TRIM65: variants seen among roughly 807,000 people sequenced by gnomAD.
TRIM65 encodes the protein E3 ubiquitin-protein ligase TRIM65.
TRIM65 carries 46 observed loss-of-function variants against 36.1 expected under a neutral mutation model. That is an observed-to-expected ratio of 1.27 (90% CI 1.01 to 1.63). The LOEUF is 1.63. Among genes scored for constraint, TRIM65 ranks in the 40% most tolerant of loss-of-function variants. The pLI, the probability that TRIM65 is intolerant of heterozygous loss-of-function variation, is 0.00. For missense variants in TRIM65, 708 were observed against 696.6 expected (o/e 1.02, Z -0.18); for synonymous variants, 346 against 313.6 (o/e 1.10, Z -1.09).
At chr17:75,894,049 G>A (rs1336598658) in intron 1 of TRIM65, among the ~76,000 whole-genome samples, 3 of 152,178 alleles carry the variant, frequency 2.0e-5, no homozygotes, top group Non-Finnish European at 4.4e-5. Flanking sequence ...AGCCGCTCCT[G>A]TGAACTCACC....
chr17:75,880,893 A>G (rs1471161508), intron 4 of TRIM65, among the ~76,000 whole-genome samples: 1 of 150,394 alleles, frequency 6.6e-6, no homozygotes, highest in East Asian at 1.9e-4. Flanking sequence ...AGACCAGACT[A>G]GAAATGTTCA....
chr17:75,886,211 G>A (rs2065205554), downstream of TRIM65, among the ~76,000 whole-genome samples: 2 of 152,158 alleles, frequency 1.3e-5, no homozygotes, highest in African/African-American at 4.8e-5. Context: ...CCAGGCATGT[G>A]AAACTGTGAG....
At chr17:75,892,647 T>C in intron 2 of TRIM65, 108 bp downstream of exon 2, 1 of 1,265,980 alleles carries the variant, frequency 7.9e-7, no homozygotes, top group Non-Finnish European at 1.1e-6. Context: ...TGTGCCCAGC[T>C]CCCTGCTCAG....
Position 75,896,749 on chromosome 17 carries a change from G to A in TRIM65, c.189C>T (p.Asn63=), listed in dbSNP as rs1198124890. 17 of 1,481,888 alleles carry A rather than the reference G, an allele frequency of 1.1e-5. No individual in the cohort carries two copies. The highest frequency in any genetic ancestry group is 1.5e-5 in the Non-Finnish European group (17 of 1,121,574). 91.8% of individuals were successfully genotyped at this position (1,481,888 alleles called of 1,614,324 possible). A position where few individuals can be genotyped will look rare whatever the true frequency, so the allele number is the denominator to read the frequency against. The part of the protein sequence containing the change: ...PFPDGAELRR[N]VALSGVLEVV... ...CCTCCAGCACGCCGCTGAGGGCCACGTTGCGGCGCAGCTCGGCGCCGTCGG... is the reference window on the plus strand; with the variant it reads ...CCTCCAGCACGCCGCTGAGGGCCACATTGCGGCGCAGCTCGGCGCCGTCGG... The change falls in exon 1 of 6, where the codon AAC becomes AAT. Residue 63 remains asparagine (N), a synonymous_variant. Coordinates refer to ENST00000269383, the MANE Select transcript of TRIM65 (RefSeq NM_173547.4).
chr17:75,879,895 A>C (rs567490723), downstream of TRIM65, among the ~76,000 whole-genome samples: 1 of 150,714 alleles, frequency 6.6e-6, no homozygotes, highest in East Asian at 1.9e-4. Context: ...CTGGGATTAC[A>C]GGCGCCCGCC....
intron 1 of TRIM65, among the ~76,000 whole-genome samples, chr17:75,895,447 G>T (rs947770625): frequency 2.0e-5 from 3 of 151,982 alleles, no homozygotes; most frequent in Admixed American, 1.3e-4. Flanking sequence ...ACTCCCCCAG[G>T]ACCCTGCCCG....
At chr17:75,888,823 A>G (rs982224509), downstream of TRIM65, 7 of 152,048 alleles carry the variant, frequency 4.6e-5, no homozygotes, top group Admixed American at 1.3e-4. Context: ...TTGAACAAAC[A>G]GCCACAGGCT....
chr17:75,887,941 G>T (rs1404051498), downstream of TRIM65, among the ~76,000 whole-genome samples: 4 of 152,066 alleles, frequency 2.6e-5, no homozygotes, highest in Non-Finnish European at 4.4e-5. Flanking sequence ...GGATCACAAG[G>T]TCAGGAGATC....
chr17:75,885,690 C>T (rs2065201940), downstream of TRIM65, among the ~76,000 whole-genome samples: 1 of 152,248 alleles, frequency 6.6e-6, no homozygotes, highest in African/African-American at 2.4e-5. Flanking sequence ...CCTCTGGGTG[C>T]TTCCTGAGGA....
rs1331687753 is a variant in TRIM65 at position 75,891,817 on chromosome 17, C to T, written c.981G>A (p.Trp327Ter). 47 of 1,611,070 alleles carry T rather than the reference C, an allele frequency of 2.9e-5. No homozygotes were observed. The highest frequency in any genetic ancestry group is 3.8e-5 in the Non-Finnish European group (45 of 1,178,560). Residue 327 changes from tryptophan (W) to a stop codon, truncating the protein, a stop_gained, in exon 5 of 6, where the codon TGG (tryptophan) becomes TGA (stop). Coordinates refer to ENST00000269383, the MANE Select transcript of TRIM65 (RefSeq NM_173547.4). LOFTEE classifies it low-confidence loss of function (END_TRUNC). ...STVCPLRRKL[W>*]QNYRNLTFDP... ...ATACACGAACGGCCTCCTTACTCTGCCAGAGTTTCCTCCTCAGTGGACAAA... is the reference window on the plus strand; with the variant it reads ...ATACACGAACGGCCTCCTTACTCTGTCAGAGTTTCCTCCTCAGTGGACAAA...
In TRIM65 at chr17:75,891,060, G is replaced by A. The variant is rs1567843289; in HGVS notation, c.1273C>T (p.Leu425Phe). 3 of 1,612,470 alleles carry A rather than the reference G, an allele frequency of 1.9e-6. No individual in the cohort carries two copies. The highest frequency in any genetic ancestry group is 2.5e-6 in the Non-Finnish European group (3 of 1,179,810). The change falls in exon 6 of 6, where the codon CTC becomes TTC. Residue 425 changes from leucine (L) to phenylalanine (F), a missense_variant. Coordinates refer to ENST00000269383, the MANE Select transcript of TRIM65 (RefSeq NM_173547.4). ...TGGAGGCTGTCCTCCTGGACGCAGA[G>A]CCCCCAGGAGCAGGGTCCCCGGCCA... ...NIGRGPCSWG[L>F]CVQEDSLQAW...
In TRIM65 at chr17:75,891,795, C is replaced by A; in HGVS notation, c.985+18G>T. ...ACACGCACACACAGGGGCACACATACACGAACGGCCTCCTTACTCTGCCAG... is the reference window on the plus strand; with the variant it reads ...ACACGCACACACAGGGGCACACATAAACGAACGGCCTCCTTACTCTGCCAG... On this transcript the variant is annotated intron_variant, in intron 5 of 5. Coordinates refer to ENST00000269383, the MANE Select transcript of TRIM65 (RefSeq NM_173547.4). The A allele has an allele frequency of 6.2e-7, 1 of 1,603,226 alleles. No homozygotes were observed.
downstream of TRIM65, among the ~76,000 whole-genome samples, chr17:75,888,457 T>A (rs963943348): frequency 6.6e-6 from 1 of 151,876 alleles, no homozygotes; most frequent in Non-Finnish European, 1.5e-5. Flanking sequence ...GAATTTCACA[T>A]AATAAATGAC....
chr17:75,883,519 T>C (rs1425182449), intron 4 of TRIM65, among the ~76,000 whole-genome samples: 1 of 140,752 alleles, frequency 7.1e-6, no homozygotes, highest in Non-Finnish European at 1.5e-5. Flanking sequence ...TCACTGTCTC[T>C]GAACAAGTTT....
intron 1 of TRIM65, among the ~76,000 whole-genome samples, chr17:75,893,746 C>T (rs942613144): frequency 6.6e-6 from 1 of 152,120 alleles, no homozygotes; most frequent in African/African-American, 2.4e-5. Flanking sequence ...ACACAGGAGG[C>T]CGGAGGGCAG....
At chr17:75,895,198 T>C (rs2065328531) in intron 1 of TRIM65, among the ~76,000 whole-genome samples, 1 of 152,114 alleles carries the variant, frequency 6.6e-6, no homozygotes, top group Non-Finnish European at 1.5e-5. Flanking sequence ...TGGCCTGCTT[T>C]CGCCTCCACA....
At chr17:75,882,499 G>A (rs951206657) in intron 4 of TRIM65, among the ~76,000 whole-genome samples, 6 of 150,648 alleles carry the variant, frequency 4.0e-5, no homozygotes, top group Admixed American at 2.0e-4. Context: ...GTGAGCCACC[G>A]CGCCCAGCCT....
At chr17:75,881,235 C>CAAAAAAAAAAAAAAAAAA (rs58718762) in intron 4 of TRIM65, among the ~76,000 whole-genome samples, 7 of 110,328 alleles carry the variant, frequency 6.3e-5, no homozygotes, top group Non-Finnish European at 9.4e-5. Context: ...GACTCCATCT[C>CAAAAAAAAAAAAAAAAAA]AAAAAAAAAA....
At chr17:75,893,589 G>A (rs1357246555) in intron 1 of TRIM65, among the ~76,000 whole-genome samples, 3 of 152,064 alleles carry the variant, frequency 2.0e-5, no homozygotes, top group Non-Finnish European at 4.4e-5. Flanking sequence ...TGCTCCTCCC[G>A]CAATGCACTG....
Sources: gnomAD v4.1 joint callset for allele counts (sites outside exome capture counted in the v4.1 genomes callset) on GRCh38, gnomAD v4.1.1 for gene constraint, MANE v1.5 for transcripts, NCBI Gene and HGNC (gene_info 2026-07-23, HGNC 2026-07-21) for gene names.